The following MEN1 variants were observed in gnomAD, a reference collection of about 807,000 sequenced individuals.
MEN1 encodes the protein menin 1, also known as menin.
A neutral mutation model predicts 58.0 loss-of-function variants in MEN1; 6 were observed. That is an observed-to-expected ratio of 0.10 (90% CI 0.06 to 0.20). MEN1 has a LOEUF of 0.20. Among genes scored for constraint, MEN1 ranks in the 10% least tolerant of loss-of-function variants. The pLI, the probability that MEN1 is intolerant of heterozygous loss-of-function variation, is 1.00. For missense variants in MEN1, 492 were observed against 818.5 expected, an observed-to-expected ratio of 0.60 and a Z score of 4.87; for synonymous variants, 346 against 350.7, an observed-to-expected ratio of 0.99 and a Z score of 0.15.
At chr11:64,810,440 T>A in intron 1 of MEN1, 74 bp downstream of exon 1, 1 of 357,636 alleles carries the variant, frequency 2.8e-6, no homozygotes, top group Non-Finnish European at 5.2e-6. Context: ...GGCTGTAAAG[T>A]CTGTCCAGAA....
chr11:64,809,379 T>C (rs1159094716), intron 2 of MEN1, among the ~76,000 whole-genome samples: 1 of 152,134 alleles, frequency 6.6e-6, no homozygotes, highest in African/African-American at 2.4e-5. Flanking sequence ...GTCTCATGCT[T>C]AGAACTCCTG....
At position 64,804,844 on chromosome 11, in the gene MEN1, A is replaced by G. The variant is rs778479960; in HGVS notation, c.1351-28T>C. On this transcript the variant is annotated intron_variant, in intron 9 of 9. Coordinates refer to ENST00000450708, the MANE Select transcript of MEN1 (RefSeq NM_001370259.2). The surrounding 1 kb of genome is among the most constrained non-coding windows in gnomAD (Gnocchi z 4.2). ...GGGCCAGTGGGGAGAGCAAGGTGAG[A>G]GCAAGGTTGCCGGCCAGTGGCTGGA... The G allele has an allele frequency of 6.3e-7, 1 of 1,595,900 alleles. No homozygotes were observed. Among genetic ancestry groups the G allele is most frequent in the Non-Finnish European group, 8.5e-7 (1 of 1,178,266 alleles).
chr11:64,806,098 G>A (rs895806293), intron 7 of MEN1, 134 bp downstream of exon 7: 2 of 1,164,476 alleles, frequency 1.7e-6, no homozygotes, highest in East Asian at 4.9e-5. Context: ...GGGTAATGGT[G>A]GCCTTGCTGC....
At chr11:64,808,847 C>G (rs1941921190) in intron 2 of MEN1, among the ~76,000 whole-genome samples, 1 of 151,900 alleles carries the variant, frequency 6.6e-6, no homozygotes, top group Non-Finnish European at 1.5e-5. Flanking sequence ...ACTCAGGAGG[C>G]TGAGGCAGGA....
At chr11:64,808,338 C>T (rs556758420) in intron 2 of MEN1, among the ~76,000 whole-genome samples, 2 of 152,304 alleles carry the variant, frequency 1.3e-5, no homozygotes, top group East Asian at 3.9e-4. Flanking sequence ...CTGACCCAGC[C>T]TTTGGCCCTA....
chr11:64,804,867 G>A lies in MEN1; in HGVS notation c.1351-51C>T, dbSNP rs1163952203. ...AGAGCAAGGTTGCCGGCCAGTGGCT[G>A]GAACTCCAGGACCCTGCTCTGGCCA... On this transcript the variant is annotated intron_variant, in intron 9 of 9. Transcript: ENST00000450708. This position sits in a 1 kb window ranked among gnomAD's most constrained non-coding sequence, Gnocchi z 4.2. 6.3e-7 allele frequency: 1 copy of A among 1,595,248 alleles called. No individual in the cohort carries two copies. Among genetic ancestry groups the A allele is most frequent in the Non-Finnish European group, 8.5e-7 (1 of 1,177,870 alleles).
Position 64,804,933 on chromosome 11 carries a change from AG to A in MEN1, c.1350+100del. On this transcript the variant is annotated intron_variant, in intron 9 of 9. Transcript: ENST00000450708. The surrounding 1 kb of genome is among the most constrained non-coding windows in gnomAD (Gnocchi z 4.2). The stretch of plus-strand genomic sequence containing the variant: ...GGGGTCTCAGTCCCATCGGCACCCA[AG>A]GGGATGGGCAGATGCTGCCCCTGGG... The A allele has an allele frequency of 5.6e-6, 9 of 1,597,868 alleles. No homozygotes were observed. The highest frequency in any genetic ancestry group is 7.6e-6 in the Non-Finnish European group (9 of 1,178,170).
At position 64,807,292 on chromosome 11, in the gene MEN1, G is replaced by T; in HGVS notation, c.784-73C>A. 1.9e-6 allele frequency: 3 copies of T among 1,539,020 alleles called. No individual in the cohort carries two copies. The South Asian group carries it at 3.5e-5, about 18-fold the overall frequency. ...CGGGTCCTTAGCCTATCGGGCAGAG[G>T]TGGGGGTCAGAACCAACAGGGACCA... On this transcript the variant is annotated intron_variant, in intron 4 of 9. Coordinates refer to ENST00000450708, the MANE Select transcript of MEN1 (RefSeq NM_001370259.2). The surrounding 1 kb of genome is among the most constrained non-coding windows in gnomAD (Gnocchi z 4.9).
chr11:64,806,782 G>T (rs566618293), intron 6 of MEN1, among the ~76,000 whole-genome samples: 2 of 152,318 alleles, frequency 1.3e-5, no homozygotes, highest in African/African-American at 4.8e-5. Context: ...TGGCAGAAAA[G>T]GCAGGGCTGA....
At position 64,810,430 on chromosome 11, in the gene MEN1, G is replaced by C. The variant is rs568093485; in HGVS notation, c.-24+84C>G. On this transcript the variant is annotated intron_variant, in intron 1 of 9. Coordinates refer to ENST00000450708, the MANE Select transcript of MEN1 (RefSeq NM_001370259.2). ...CCCCTCTCTACGACTGTGCCCCCGG[G>C]GCTGTAAAGTCTGTCCAGAAAGCGC... 2.3e-3 allele frequency: 894 copies of C among 392,146 alleles called. 6 individuals are homozygous for C. The highest frequency in any genetic ancestry group is 3.4e-3 in the Non-Finnish European group (722 of 214,788). 24.3% of individuals were successfully genotyped at this position (392,146 alleles called of 1,614,324 possible).
rs1941871397 is a variant in MEN1, at chr11:64,808,068, A to C, written c.477T>G (p.Phe159Leu). ...GGGCCTGGCAGGCCCCAACCACAGC[A>C]AAGGCCACACCGGAGCTGTCCAATT... ...GTKLDSSGVA[F>L]AVVGACQALG... is the part of the protein sequence containing the mutation. The change falls in exon 3 of 10, where the codon TTT becomes TTG. Residue 159 changes from phenylalanine to leucine, a missense_variant. Physicochemically the swap from Phe to Leu is conservative, Grantham distance 22 (BLOSUM62 0). Transcript: ENST00000450708. 1 of 1,613,814 alleles carries C rather than the reference A, an allele frequency of 6.2e-7. No homozygotes were observed.
intron 6 of MEN1, 150 bp from the exon 7 acceptor site, chr11:64,806,518 C>T (rs1424598036): frequency 2.1e-6 from 2 of 948,816 alleles, no homozygotes; most frequent in African/African-American, 1.6e-5. Flanking sequence ...TCGCTGCCAG[C>T]CCTTCTACCT....
rs778921501 is a variant in MEN1 at position 64,807,654 on chromosome 11, G to A, written c.681C>T (p.Tyr227=). ...ERSWLYLKGS[Y]MRCDRKMEVA... ...CCTCCATCTTGCGGTCACAGCGCATGTATGATCCTTTCAGGTACAGCCAGC... is the reference window on the plus strand; with the variant it reads ...CCTCCATCTTGCGGTCACAGCGCATATATGATCCTTTCAGGTACAGCCAGC... Residue 227 remains tyrosine (Y), a synonymous_variant, in exon 4 of 10, where the codon TAC becomes TAT. Coordinates refer to ENST00000450708, the MANE Select transcript of MEN1 (RefSeq NM_001370259.2). This position sits in a 1 kb window ranked among gnomAD's most constrained non-coding sequence, Gnocchi z 4.9. 4 of 1,614,076 alleles carry A rather than the reference G, an allele frequency of 2.5e-6. No individual in the cohort carries two copies. The highest frequency in any genetic ancestry group is 2.2e-5 in the East Asian group (1 of 44,898).
In MEN1 at chr11:64,809,864, G is replaced by C. The variant is rs1238113583; in HGVS notation, c.246C>G (p.Asp82Glu). The change falls in exon 2 of 10, where the codon GAC (aspartate) becomes GAG (glutamate). Residue 82 changes from aspartate to glutamate, a missense_variant. By Grantham distance (45) the Asp-to-Glu change is conservative. This residue lies in a region of MEN1 where 335 missense variants were observed against 550.3 expected (regional missense o/e 0.61). Coordinates refer to ENST00000450708, the MANE Select transcript of MEN1 (RefSeq NM_001370259.2). ...CATAGAGGGCGGCGATGATAGACAG[G>C]TCGGCCACGGGAAAGTAGGTGAGGC... ...PGGLTYFPVA[D>E]LSIIAALYAR... The C allele has an allele frequency of 1.6e-5, 25 of 1,608,676 alleles. No homozygotes were observed. Among genetic ancestry groups the C allele is most frequent in the Non-Finnish European group, 2.1e-5 (25 of 1,177,558 alleles).
intron 2 of MEN1, 161 bp downstream of exon 2, chr11:64,809,504 A>G (rs1243957725): frequency 2.9e-5 from 26 of 891,484 alleles, no homozygotes; most frequent in Admixed American, 4.8e-5. Flanking sequence ...TGACTTTGGC[A>G]TATCATTTCC....
intron 6 of MEN1, among the ~76,000 whole-genome samples, chr11:64,806,599 C>T (rs568709466): frequency 2.0e-5 from 3 of 152,286 alleles, no homozygotes; most frequent in Non-Finnish European, 2.9e-5. Context: ...GGCCTGCCCT[C>T]CGAGCTCAGG....
In MEN1 at chr11:64,807,707, C is replaced by T; in HGVS notation, c.655-27G>A. 1 of 1,614,034 alleles carries T rather than the reference C, an allele frequency of 6.2e-7. No individual in the cohort carries two copies. Among genetic ancestry groups the T allele is most frequent in the Non-Finnish European group, 8.5e-7 (1 of 1,180,042 alleles). On this transcript the variant is annotated intron_variant, in intron 3 of 9. Coordinates refer to ENST00000450708, the MANE Select transcript of MEN1 (RefSeq NM_001370259.2). This position sits in a 1 kb window ranked among gnomAD's most constrained non-coding sequence, Gnocchi z 4.9. ...TTAGGGGGGGATGAGATCATTATGT[C>T]TCATGATGGCCCACCCTGTGCCTGC...
At chr11:64,810,428 G>A in intron 1 of MEN1, 86 bp downstream of exon 1, 3 of 398,784 alleles carry the variant, frequency 7.5e-6, no homozygotes, top group Non-Finnish European at 1.4e-5. Flanking sequence ...CTGTGCCCCC[G>A]GGGCTGTAAA....
At chr11:64,805,817 T>G in intron 7 of MEN1, 47 bp from the exon 8 acceptor site, 2 of 1,611,202 alleles carry the variant, frequency 1.2e-6, no homozygotes, top group Non-Finnish European at 1.7e-6. Flanking sequence ...GGTCTCACCA[T>G]CGGGGGTAGC....
Sources: gnomAD v4.1 joint callset for allele counts (sites outside exome capture counted in the v4.1 genomes callset) on GRCh38, gnomAD v4.1.1 for gene constraint, gnomAD v4.1.1 regional missense constraint, Gnocchi (gnomAD v3.1) non-coding constraint, MANE v1.5 for transcripts, NCBI Gene and HGNC (gene_info 2026-07-23, HGNC 2026-07-21) for gene names.